The following KPNA1 variants were observed in gnomAD, a reference collection of about 807,000 sequenced individuals.
The protein encoded by KPNA1 is karyopherin subunit alpha 1.
KPNA1 carries 10 observed loss-of-function variants against 70.5 expected under a neutral mutation model. The ratio of observed to expected loss-of-function variants is 0.14; its 90% CI spans 0.09 to 0.24. KPNA1 has a LOEUF of 0.24. Among genes scored for constraint, KPNA1 ranks in the 10% least tolerant of loss-of-function variants. The pLI, the probability that KPNA1 is intolerant of heterozygous loss-of-function variation, is 1.00. For missense variants in KPNA1, 397 were observed against 637.9 expected (o/e 0.62, Z 4.07); for synonymous variants, 192 against 221.9 (o/e 0.87, Z 1.20).
Position 122,422,437 on chromosome 3 carries a change from G to A in KPNA1, c.*4548C>T, listed in dbSNP as rs2075773977. The A allele has an allele frequency of 6.6e-6, 1 of 152,018 alleles. No individual in the cohort carries two copies. The highest frequency in any genetic ancestry group is 6.6e-5 in the Admixed American group (1 of 15,264). 9.4% of individuals were successfully genotyped at this position (152,018 alleles called of 1,614,324 possible). A position where few individuals can be genotyped will look rare whatever the true frequency, so the allele number is the denominator to read the frequency against. On this transcript the variant is annotated 3_prime_UTR_variant, in exon 14 of 14. Coordinates refer to ENST00000344337, the MANE Select transcript of KPNA1 (RefSeq NM_002264.4). ...AGAGGAAAGATGTTTGGCCTGAGAG[G>A]GCCTACACTCCAGTCTGTGTAACCT...
At chr3:122,489,438 ACTAAGCCTGG>A (rs1355492139) in intron 2 of KPNA1, among the ~76,000 whole-genome samples, 1 of 151,792 alleles carries the variant, frequency 6.6e-6, no homozygotes, top group Non-Finnish European at 1.5e-5. Context: ...AGCGTGCGCC[ACTAAGCCTGG>A]CTAAGTTTTT....
At chr3:122,461,886 G>A (rs2076328290) in intron 4 of KPNA1, among the ~76,000 whole-genome samples, 1 of 152,164 alleles carries the variant, frequency 6.6e-6, no homozygotes, top group Non-Finnish European at 1.5e-5. Flanking sequence ...AAATAGGAGG[G>A]AAATGTCATA....
intron 1 of KPNA1, among the ~76,000 whole-genome samples, chr3:122,505,274 C>CAAAAAAAAAAAAA: frequency 1.0e-5 from 1 of 99,544 alleles, no homozygotes. Context: ...CTGCATGCCT[C>CAAAAAAAAAAAAA]AAAAAAAAAA....
chr3:122,447,641 G>A lies in KPNA1; in HGVS notation c.917+1933C>T, dbSNP rs557514385. Among the ~76,000 whole-genome samples the A allele has an allele frequency of 7.2e-5, 11 of 152,204 alleles. No homozygotes were observed. In the South Asian group the frequency reaches 1.2e-3, roughly 17 times the overall value. On this transcript the variant is annotated intron_variant, in intron 9 of 13. Transcript: ENST00000344337. ...ACAAGGATGCCCTCTCTCAGCACTC[G>A]TATTCAACACAGCACTGGAAGTTCT...
intron 1 of KPNA1, among the ~76,000 whole-genome samples, chr3:122,512,095 G>A (rs533275185): frequency 4.6e-5 from 7 of 152,128 alleles, no homozygotes; most frequent in African/African-American, 1.7e-4. Flanking sequence ...TCTTAACATA[G>A]TTGAGACTAA....
intron 10 of KPNA1, among the ~76,000 whole-genome samples, chr3:122,437,685 C>T (rs746253257): frequency 1.3e-5 from 2 of 151,934 alleles, no homozygotes; most frequent in Non-Finnish European, 2.9e-5. Flanking sequence ...AGTCAATGAA[C>T]GAATACGTAC....
Position 122,508,036 on chromosome 3 carries a change from C to G in KPNA1, c.-6+6721G>C, listed in dbSNP as rs567367762. Among the ~76,000 whole-genome samples the G allele has an allele frequency of 2.6e-5, 4 of 152,036 alleles. No individual in the cohort carries two copies. The East Asian group carries it at 7.7e-4, about 29-fold the overall frequency. ...CTTCAATAGGCACACAGTGGTCATT[C>G]AAATGCTGTGAAAAAATGAACAGAG... On this transcript the variant is annotated intron_variant, in intron 1 of 13. Coordinates refer to ENST00000344337, the MANE Select transcript of KPNA1 (RefSeq NM_002264.4).
intron 2 of KPNA1, among the ~76,000 whole-genome samples, chr3:122,485,327 T>C (rs186718709): frequency 5.1e-4 from 78 of 152,070 alleles, no homozygotes; most frequent in Middle Eastern, 3.4e-3. Flanking sequence ...AATAGACCAA[T>C]AGAACAAAGT....
intron 2 of KPNA1, among the ~76,000 whole-genome samples, chr3:122,495,928 T>C (rs747324555): frequency 6.6e-6 from 1 of 152,170 alleles, no homozygotes; most frequent in Non-Finnish European, 1.5e-5. Flanking sequence ...TTTAAAATGT[T>C]AGATAACAAA....
At chr3:122,483,865 A>T (rs917780702) in intron 2 of KPNA1, among the ~76,000 whole-genome samples, 1 of 152,210 alleles carries the variant, frequency 6.6e-6, no homozygotes, top group African/African-American at 2.4e-5. Flanking sequence ...ATGAGGGATT[A>T]GTTTTTATAT....
intron 9 of KPNA1, among the ~76,000 whole-genome samples, chr3:122,446,218 C>T (rs766614937): frequency 5.9e-5 from 9 of 152,204 alleles, no homozygotes; most frequent in Non-Finnish European, 8.8e-5. Flanking sequence ...ACAAAATATA[C>T]ACTCTTCTCA....
chr3:122,470,601 G>A (rs533277682), intron 2 of KPNA1, among the ~76,000 whole-genome samples: 1 of 152,056 alleles, frequency 6.6e-6, no homozygotes, highest in South Asian at 2.1e-4. Context: ...ACAAGGAATG[G>A]AAGGGAGAAA....
intron 2 of KPNA1, among the ~76,000 whole-genome samples, chr3:122,494,278 C>T (rs1339227211): frequency 3.9e-5 from 6 of 152,160 alleles, no homozygotes; most frequent in African/African-American, 1.4e-4. Context: ...TCAGGTTATA[C>T]ATTTAATTAT....
intron 6 of KPNA1, among the ~76,000 whole-genome samples, chr3:122,452,930 C>T (rs1394988888): frequency 2.6e-5 from 4 of 152,074 alleles, no homozygotes; most frequent in Non-Finnish European, 5.9e-5. Flanking sequence ...CTTTTCTGCA[C>T]AAAAGTGGCA....
chr3:122,471,959 T>C (rs1342532905), intron 2 of KPNA1, among the ~76,000 whole-genome samples: 1 of 152,202 alleles, frequency 6.6e-6, no homozygotes, highest in Admixed American at 6.5e-5. Flanking sequence ...CAAAAACTGA[T>C]AGAATTGCAA....
chr3:122,512,985 A>G (rs1439417968), intron 1 of KPNA1, among the ~76,000 whole-genome samples: 4 of 152,220 alleles, frequency 2.6e-5, no homozygotes, highest in Non-Finnish European at 4.4e-5. Flanking sequence ...CTGCTACACT[A>G]TAAATTCCAT....
chr3:122,463,270 C>T (rs1019486563), intron 4 of KPNA1, among the ~76,000 whole-genome samples: 1 of 151,692 alleles, frequency 6.6e-6, no homozygotes. Context: ...ATGGCGTGAA[C>T]CCGGGAGGCG....
intron 7 of KPNA1, 148 bp from the exon 8 acceptor site, chr3:122,451,781 T>C: frequency 2.9e-6 from 2 of 701,524 alleles, no homozygotes; most frequent in Non-Finnish European, 4.8e-6. Flanking sequence ...CTGATGCAAG[T>C]AATTCAGAAT....
chr3:122,484,080 A>C (rs1307205897), intron 2 of KPNA1, among the ~76,000 whole-genome samples: 3 of 152,182 alleles, frequency 2.0e-5, no homozygotes, highest in Admixed American at 6.5e-5. Context: ...TTTTCCTAAT[A>C]ACTTTGTTAA....
Sources: gnomAD v4.1 joint callset for allele counts (sites outside exome capture counted in the v4.1 genomes callset) on GRCh38, gnomAD v4.1.1 for gene constraint, MANE v1.5 for transcripts, NCBI Gene and HGNC (gene_info 2026-07-23, HGNC 2026-07-21) for gene names.